ZNF512: variants seen among roughly 807,000 people sequenced by gnomAD.
ZNF512 encodes the protein zinc finger protein 512.
ZNF512 carries 25 observed loss-of-function variants against 77.5 expected under a neutral mutation model. The observed-to-expected ratio is 0.32, with a 90% CI of 0.23 to 0.45. The LOEUF (loss-of-function observed/expected upper bound fraction) is 0.45, where lower values mean the gene tolerates loss of function less well. Among genes scored for constraint, ZNF512 ranks in the 20% least tolerant of loss-of-function variants. The probability of loss-of-function intolerance (pLI) is 1.00; values close to 1 mark genes in which losing one functional copy is unlikely to be tolerated. For synonymous variants in ZNF512, 246 were observed against 239.9 expected (o/e 1.03, Z -0.24); for missense variants, 483 against 692.6 (o/e 0.70, Z 3.40).
intron 13 of ZNF512, among the ~76,000 whole-genome samples, chr2:27,618,247 A>G (rs530853400): frequency 1.3e-4 from 20 of 152,120 alleles, no homozygotes; most frequent in Admixed American, 6.6e-4. Context: ...TTTAAATCCA[A>G]TTAAGTCAAA....
chr2:27,615,367 TG>T (rs1429862820), intron 11 of ZNF512, 98 bp downstream of exon 11: 1 of 722,572 alleles, frequency 1.4e-6, no homozygotes, highest in Non-Finnish European at 2.2e-6. Context: ...TGAACCTCAG[TG>T]GCTTAAAACA....
chr2:27,597,586 A>G (rs554337716), intron 2 of ZNF512, among the ~76,000 whole-genome samples: 27 of 152,334 alleles, frequency 1.8e-4, no homozygotes, highest in African/African-American at 2.6e-4. Context: ...CCTAAATAAG[A>G]TAGGGCATCA....
At chr2:27,591,786 G>T (rs1558464972) in intron 2 of ZNF512, among the ~76,000 whole-genome samples, 1 of 152,066 alleles carries the variant, frequency 6.6e-6, no homozygotes, top group Non-Finnish European at 1.5e-5. Context: ...CAGTCCCCCT[G>T]CCTTGGCCTC....
chr2:27,604,270 G>C (rs1572922039), intron 9 of ZNF512, among the ~76,000 whole-genome samples: 2 of 152,108 alleles, frequency 1.3e-5, no homozygotes, highest in African/African-American at 4.8e-5. Context: ...CCCATAGCTA[G>C]AGCTTTTATG....
chr2:27,600,171 G>T, intron 5 of ZNF512, 118 bp downstream of exon 5: 8 of 1,162,728 alleles, frequency 6.9e-6, no homozygotes, highest in Non-Finnish European at 1.0e-5. Flanking sequence ...GTTACTAAGG[G>T]CTCTAGTTTG....
At chr2:27,583,761 G>T (rs374713971) in intron 2 of ZNF512, 45 bp downstream of exon 2, 150 of 1,602,876 alleles carry the variant, frequency 9.4e-5, no homozygotes, top group Admixed American at 4.3e-4. Flanking sequence ...TGTCACCAGC[G>T]CTGACCAGTA....
chr2:27,600,567 T>G (rs1672074679), intron 5 of ZNF512, 124 bp from the exon 6 acceptor site: 1 of 1,141,440 alleles, frequency 8.8e-7, no homozygotes, highest in East Asian at 2.5e-5. Context: ...CAAGAGCCTC[T>G]TCATCGCAGT....
chr2:27,599,503 AATG>A, intron 3 of ZNF512, 77 bp from the exon 4 acceptor site: 1 of 1,001,886 alleles, frequency 1.0e-6, no homozygotes. Context: ...TGGTCTTGTG[AATG>A]ATGTTTTGAA....
At chr2:27,600,927 T>C in intron 6 of ZNF512, 112 bp downstream of exon 6, 1 of 1,344,086 alleles carries the variant, frequency 7.4e-7, no homozygotes, top group Non-Finnish European at 9.9e-7. Flanking sequence ...CATTGTATAA[T>C]AAAGGAAACA....
intron 9 of ZNF512, among the ~76,000 whole-genome samples, chr2:27,607,608 T>C (rs1311609921): frequency 6.6e-6 from 1 of 152,186 alleles, no homozygotes; most frequent in Non-Finnish European, 1.5e-5. Context: ...CCTCAGGTGA[T>C]CCACCCGCCT....
intron 2 of ZNF512, among the ~76,000 whole-genome samples, chr2:27,590,303 G>A (rs1460002530): frequency 6.6e-6 from 1 of 152,092 alleles, no homozygotes; most frequent in African/African-American, 2.4e-5. Flanking sequence ...ATTATGAAGT[G>A]TCTCTTTTTA....
chr2:27,606,384 A>G (rs1172277654), intron 9 of ZNF512, among the ~76,000 whole-genome samples: 1 of 150,848 alleles, frequency 6.6e-6, no homozygotes, highest in Non-Finnish European at 1.5e-5. Context: ...TTTTCTTGAG[A>G]CAGAGTCTCA....
rs1334514209 is a variant in ZNF512, at chr2:27,622,453, G to T, written c.*992G>T. 2.0e-5 allele frequency: 3 copies of T among 152,642 alleles called. No individual in the cohort carries two copies. The East Asian group carries it at 5.6e-4, about 29-fold the overall frequency. 9.5% of individuals were successfully genotyped at this position (152,642 alleles called of 1,614,324 possible). ...CCCCTTAGCCAACCTCTGTCTTTTTGAATTTTCTGAGAATATTGTCCTATC... is the reference window on the plus strand; with the variant it reads ...CCCCTTAGCCAACCTCTGTCTTTTTTAATTTTCTGAGAATATTGTCCTATC... On this transcript the variant is annotated 3_prime_UTR_variant, in exon 14 of 14. Transcript: ENST00000355467.
At chr2:27,597,517 A>G (rs1371984057) in intron 2 of ZNF512, among the ~76,000 whole-genome samples, 21 of 152,244 alleles carry the variant, frequency 1.4e-4, no homozygotes. Flanking sequence ...ATCTCTGGCC[A>G]GGTTAATTCA....
At position 27,600,481 on chromosome 2, in the gene ZNF512, A is replaced by G. The variant is rs553014980; in HGVS notation, c.458-210A>G. Among the ~76,000 whole-genome samples the G allele has an allele frequency of 2.6e-5, 4 of 152,270 alleles. No individual in the cohort carries two copies. In the South Asian group the frequency reaches 8.3e-4, roughly 32 times the overall value. On this transcript the variant is annotated intron_variant, in intron 5 of 13. Coordinates refer to ENST00000355467, the MANE Select transcript of ZNF512 (RefSeq NM_032434.4). The stretch of plus-strand genomic sequence containing the variant: ...TTGGAGCCGTTCTCAGGTGGTTTTT[A>G]TCATGGCGAAATGAGTAGGAGTTTT...
chr2:27,607,533 A>T (rs534570981), intron 9 of ZNF512, among the ~76,000 whole-genome samples: 1 of 152,050 alleles, frequency 6.6e-6, no homozygotes, highest in South Asian at 2.1e-4. Context: ...ATGCCAAGCT[A>T]ATTTTTATGT....
At chr2:27,598,664 T>C (rs1045286700) in intron 3 of ZNF512, among the ~76,000 whole-genome samples, 1 of 151,910 alleles carries the variant, frequency 6.6e-6, no homozygotes, top group Non-Finnish European at 1.5e-5. Context: ...ATGCCACATA[T>C]TTGTTTCTCA....
At chr2:27,584,301 A>G (rs1430385773) in intron 2 of ZNF512, among the ~76,000 whole-genome samples, 1 of 152,256 alleles carries the variant, frequency 6.6e-6, no homozygotes, top group African/African-American at 2.4e-5. Flanking sequence ...GATGGATGAT[A>G]AAAATGGCCG....
chr2:27,619,525 G>A lies in ZNF512; in HGVS notation c.1396-1628G>A, dbSNP rs1214567121. Among the ~76,000 whole-genome samples the A allele has an allele frequency of 2.0e-5, 3 of 152,138 alleles. No homozygotes were observed. In the East Asian group the frequency reaches 5.8e-4, roughly 29 times the overall value. ...ACCAACAAATTTCACTTGGTTTGGG[G>A]CATGCTCCCAGGCATTTGTTTATTG... is the stretch of plus-strand genomic sequence containing the variant. On this transcript the variant is annotated intron_variant, in intron 13 of 13. Coordinates refer to ENST00000355467, the MANE Select transcript of ZNF512 (RefSeq NM_032434.4).
Sources: allele counts gnomAD v4.1 joint callset (sites outside exome capture counted in the v4.1 genomes callset), GRCh38; gene constraint gnomAD v4.1.1; transcripts MANE v1.5; gene names NCBI Gene and HGNC (gene_info 2026-07-23, HGNC 2026-07-21).